The following SEMA3C variants were observed in gnomAD, a reference collection of about 807,000 sequenced individuals.
SEMA3C encodes semaphorin-3C.
Under a neutral mutation model 89.4 loss-of-function variants are expected in SEMA3C, and 47 were observed. That is an observed-to-expected ratio of 0.53 (90% CI 0.42 to 0.67). The LOEUF (loss-of-function observed/expected upper bound fraction) is 0.67, where lower values mean the gene tolerates loss of function less well. Ranked by LOEUF, SEMA3C falls within the 30% of genes least tolerant of loss-of-function variation. The probability of loss-of-function intolerance (pLI) is 0.00; values close to 1 mark genes in which losing one functional copy is unlikely to be tolerated. For synonymous variants in SEMA3C, 310 were observed against 320.2 expected, an observed-to-expected ratio of 0.97 and a Z score of 0.34; for missense variants, 839 against 929.1, an observed-to-expected ratio of 0.90 and a Z score of 1.26.
chr7:80,799,252 C>T (rs1789140006), intron 10 of SEMA3C, among the ~76,000 whole-genome samples: 2 of 151,958 alleles, frequency 1.3e-5, no homozygotes. Context: ...TTGAATAGCT[C>T]ATTGCAGTTT....
At chr7:80,825,615 G>A (rs561209493) in intron 4 of SEMA3C, among the ~76,000 whole-genome samples, 47 of 152,204 alleles carry the variant, frequency 3.1e-4, no homozygotes, top group African/African-American at 1.1e-3. Context: ...GCAATTTTTG[G>A]AAATAGAATG....
chr7:80,873,754 C>A (rs758736672), intron 2 of SEMA3C, among the ~76,000 whole-genome samples: 1 of 152,124 alleles, frequency 6.6e-6, no homozygotes, highest in African/African-American at 2.4e-5. Context: ...ATGAGAAAAT[C>A]TTTGAATTGT....
At position 80,916,390 on chromosome 7, in the gene SEMA3C, T is replaced by C. The variant is rs1055878447; in HGVS notation, c.103+289A>G. ...ACAGTAAGATCAAAGATGCTAGGCTTTGAGCTCGTGCCCATCTCCTCTGTG... is the reference window on the plus strand; with the variant it reads ...ACAGTAAGATCAAAGATGCTAGGCTCTGAGCTCGTGCCCATCTCCTCTGTG... On this transcript the variant is annotated intron_variant, in intron 2 of 17. Transcript: ENST00000265361. Among the ~76,000 whole-genome samples, 3 of 152,196 alleles carry C rather than the reference T, an allele frequency of 2.0e-5. No homozygotes were observed. The South Asian group carries it at 6.2e-4, about 31-fold the overall frequency.
At chr7:80,863,869 TATATATGTATCACATATATATCACAC>T (rs1169695048) in intron 2 of SEMA3C, among the ~76,000 whole-genome samples, 1 of 144,098 alleles carries the variant, frequency 6.9e-6, no homozygotes, top group Non-Finnish European at 1.5e-5. Flanking sequence ...ATGTATCACA[TATATATGTATCACATATATATCACAC>T]ATATATTACA....
At chr7:80,782,806 T>C (rs766326828) in intron 12 of SEMA3C, among the ~76,000 whole-genome samples, 12 of 152,168 alleles carry the variant, frequency 7.9e-5, no homozygotes, top group Admixed American at 7.2e-4. Flanking sequence ...GGCACCTACA[T>C]TGTTACAATT....
At chr7:80,842,618 T>C (rs1268024960) in intron 2 of SEMA3C, among the ~76,000 whole-genome samples, 2 of 152,142 alleles carry the variant, frequency 1.3e-5, no homozygotes, top group South Asian at 2.1e-4. Context: ...TGGTCACCTT[T>C]TTAATGCAGA....
intron 17 of SEMA3C, 97 bp from the exon 18 acceptor site, chr7:80,745,404 G>T: frequency 7.9e-7 from 1 of 1,258,902 alleles, no homozygotes; most frequent in Non-Finnish European, 1.1e-6. Flanking sequence ...TCACAGATTT[G>T]GGAAAAAAGT....
chr7:80,800,761 ATGT>A lies in SEMA3C; in HGVS notation c.979_981del (p.Thr327del). ...ATGTAACTGTTGAATAATTACCTTG[ATGT>A]TGTAAAAATGCCATACACTAGTGTT... is the stretch of plus-strand genomic sequence containing the variant. On this transcript the variant is annotated inframe_deletion, in exon 10 of 18. Transcript: ENST00000265361. 6.6e-7 allele frequency: 1 copy of A among 1,520,754 alleles called. No homozygotes were observed. Among genetic ancestry groups the A allele is most frequent in the Non-Finnish European group, 8.9e-7 (1 of 1,129,072 alleles). 94.2% of individuals were successfully genotyped at this position (1,520,754 alleles called of 1,614,324 possible).
intron 4 of SEMA3C, among the ~76,000 whole-genome samples, chr7:80,823,637 G>A (rs1251954875): frequency 6.6e-6 from 1 of 151,910 alleles, no homozygotes; most frequent in East Asian, 1.9e-4. Context: ...TTTTTTAGGA[G>A]CTTAGGGTTG....
At chr7:80,859,546 G>A (rs540372210) in intron 2 of SEMA3C, among the ~76,000 whole-genome samples, 9 of 152,100 alleles carry the variant, frequency 5.9e-5, no homozygotes, top group Non-Finnish European at 1.0e-4. Context: ...TAATCACTTC[G>A]AGACAACTGC....
chr7:80,885,732 G>A (rs1384647148), intron 2 of SEMA3C, among the ~76,000 whole-genome samples: 1 of 144,240 alleles, frequency 6.9e-6, no homozygotes, highest in African/African-American at 2.8e-5. Context: ...TTAAACACAT[G>A]AGTCAAAGTG....
intron 2 of SEMA3C, among the ~76,000 whole-genome samples, chr7:80,842,544 C>T (rs1036375493): frequency 1.3e-5 from 2 of 152,004 alleles, no homozygotes; most frequent in African/African-American, 2.4e-5. Context: ...GGAAATAAGG[C>T]GCACTTAAAA....
At chr7:80,761,537 T>A in intron 14 of SEMA3C, 79 bp downstream of exon 14, 1 of 776,916 alleles carries the variant, frequency 1.3e-6, no homozygotes. Context: ...AACTAATTAT[T>A]CAGAAGTTAT....
intron 2 of SEMA3C, among the ~76,000 whole-genome samples, chr7:80,856,225 T>A (rs1455511031): frequency 6.6e-6 from 1 of 152,054 alleles, no homozygotes; most frequent in East Asian, 1.9e-4. Context: ...TTTGACAGAT[T>A]ATCTGAATTT....
chr7:80,883,310 C>T (rs1791396982), intron 2 of SEMA3C, among the ~76,000 whole-genome samples: 3 of 152,118 alleles, frequency 2.0e-5, no homozygotes, highest in Admixed American at 1.3e-4. Context: ...AATTTAGATT[C>T]TGTTCCAAAT....
intron 2 of SEMA3C, among the ~76,000 whole-genome samples, chr7:80,862,201 C>T (rs1562910779): frequency 6.6e-6 from 1 of 152,102 alleles, no homozygotes; most frequent in Non-Finnish European, 1.5e-5. Context: ...ACCCTAAAGA[C>T]TCCAGAAAGC....
At chr7:80,770,659 T>C (rs914663737) in intron 12 of SEMA3C, among the ~76,000 whole-genome samples, 6 of 152,240 alleles carry the variant, frequency 3.9e-5, no homozygotes, top group Non-Finnish European at 7.3e-5. Flanking sequence ...TACCTCATTT[T>C]CAGTCTACCT....
At chr7:80,781,693 A>G (rs1187751292) in intron 12 of SEMA3C, among the ~76,000 whole-genome samples, 1 of 152,152 alleles carries the variant, frequency 6.6e-6, no homozygotes, top group Non-Finnish European at 1.5e-5. Context: ...ATCAAGAACA[A>G]AAACTTAGTG....
chr7:80,757,879 T>C (rs1444841597), intron 15 of SEMA3C, among the ~76,000 whole-genome samples: 4 of 152,064 alleles, frequency 2.6e-5, no homozygotes, highest in African/African-American at 4.8e-5. Flanking sequence ...AGGCAGAGGA[T>C]TGCTTGAACC....
Sources: gnomAD v4.1 joint callset for allele counts (sites outside exome capture counted in the v4.1 genomes callset) on GRCh38, gnomAD v4.1.1 for gene constraint, MANE v1.5 for transcripts, NCBI Gene and HGNC (gene_info 2026-07-23, HGNC 2026-07-21) for gene names.